Variants in ARSB observed in about 807,000 individuals in gnomAD.
The protein encoded by ARSB is arylsulfatase B.
Under a neutral mutation model 50.9 loss-of-function variants are expected in ARSB, and 41 were observed. The ratio of observed to expected loss-of-function variants is 0.81; its 90% CI spans 0.63 to 1.04. The LOEUF (loss-of-function observed/expected upper bound fraction) is 1.04. ARSB is among the 50% of genes least tolerant of loss of function. The pLI, the probability that ARSB is intolerant of heterozygous loss-of-function variation, is 0.00. For missense variants in ARSB, 672 were observed against 693.3 expected (o/e 0.97, Z 0.35); for synonymous variants, 269 against 284.8 (o/e 0.94, Z 0.56).
Position 78,815,175 on chromosome 5 carries a change from T to G in ARSB, c.1213+24181A>C, listed in dbSNP as rs150064292. ...AAAGCATTATTTTAAAGAGATTGCT[T>G]ATTTTCTAGTCGCATGGTTGCTGAA... On this transcript the variant is annotated intron_variant, in intron 6 of 7. Coordinates refer to ENST00000264914, the MANE Select transcript of ARSB (RefSeq NM_000046.5). Among the ~76,000 whole-genome samples, 42 of 150,968 alleles carry G rather than the reference T, an allele frequency of 2.8e-4. 1 individual carries two copies. The highest frequency in any genetic ancestry group is 9.3e-4 in the African/African-American group (38 of 40,816).
chr5:78,807,831 C>T (rs753915298), intron 6 of ARSB, among the ~76,000 whole-genome samples: 12 of 152,244 alleles, frequency 7.9e-5, no homozygotes, highest in South Asian at 2.1e-4. Context: ...CGGTGGCTCA[C>T]GCCTGTAATC....
chr5:78,891,596 G>A (rs765137624), intron 4 of ARSB, among the ~76,000 whole-genome samples: 2 of 152,120 alleles, frequency 1.3e-5, no homozygotes, highest in African/African-American at 2.4e-5. Flanking sequence ...TCCATTCATG[G>A]GAGGCAATGA....
At chr5:78,864,107 G>A (rs1433455637) in intron 5 of ARSB, among the ~76,000 whole-genome samples, 3 of 151,930 alleles carry the variant, frequency 2.0e-5, no homozygotes, top group Non-Finnish European at 4.4e-5. Flanking sequence ...GACCTGAAGA[G>A]TCAGGACTGG....
At chr5:78,805,959 T>G (rs1378942190) in intron 6 of ARSB, among the ~76,000 whole-genome samples, 1 of 152,242 alleles carries the variant, frequency 6.6e-6, no homozygotes, top group Non-Finnish European at 1.5e-5. Flanking sequence ...TTTCTAGCTG[T>G]GCGGCCTTGG....
chr5:78,823,958 G>A (rs192807635), intron 6 of ARSB, among the ~76,000 whole-genome samples: 2 of 152,236 alleles, frequency 1.3e-5, no homozygotes, highest in East Asian at 3.9e-4. Flanking sequence ...ATGTTGGAGG[G>A]GGGGCACAGT....
intron 6 of ARSB, among the ~76,000 whole-genome samples, chr5:78,789,463 C>T (rs559505102): frequency 6.6e-6 from 1 of 152,086 alleles, no homozygotes; most frequent in Non-Finnish European, 1.5e-5. Context: ...ATGAAAGCAA[C>T]CAAGAACCAG....
Position 78,864,297 on chromosome 5 carries a change from T to C in ARSB, c.1142+21287A>G, listed in dbSNP as rs559867510. On this transcript the variant is annotated intron_variant, in intron 5 of 7. Coordinates refer to ENST00000264914, the MANE Select transcript of ARSB (RefSeq NM_000046.5). ...CATGGCTGGCGAAGCCTCACAATCATGGTGGAAGGCAAGGAGGAGCAAGTC... is the reference window on the plus strand; with the variant it reads ...CATGGCTGGCGAAGCCTCACAATCACGGTGGAAGGCAAGGAGGAGCAAGTC... 4.6e-5 allele frequency among the ~76,000 whole-genome samples: 7 copies of C among 152,186 alleles called. No homozygotes were observed. In the South Asian group the frequency reaches 8.3e-4, roughly 18 times the overall value.
At chr5:78,859,304 T>A (rs978926971) in intron 5 of ARSB, among the ~76,000 whole-genome samples, 11 of 152,170 alleles carry the variant, frequency 7.2e-5, no homozygotes, top group Non-Finnish European at 1.6e-4. Flanking sequence ...TATAGATTGT[T>A]ATTAAGAAGG....
intron 4 of ARSB, among the ~76,000 whole-genome samples, chr5:78,912,974 A>C (rs10474569): frequency 0.29 from 44,217 of 152,092 alleles, 6,722 homozygotes; most frequent in Middle Eastern, 0.35. Flanking sequence ...AAACCCACGC[A>C]GAGCTAGGAG....
intron 4 of ARSB, among the ~76,000 whole-genome samples, chr5:78,935,624 G>C (rs1262527653): frequency 6.6e-6 from 1 of 152,110 alleles, no homozygotes; most frequent in Admixed American, 6.5e-5. Context: ...AAGCAAACCG[G>C]AGACCAAAGG....
chr5:78,782,540 T>A (rs927184951), intron 6 of ARSB, among the ~76,000 whole-genome samples: 2 of 152,192 alleles, frequency 1.3e-5, no homozygotes, highest in Non-Finnish European at 2.9e-5. Flanking sequence ...AAATTTGGTA[T>A]ACAAATTTTT....
intron 6 of ARSB, among the ~76,000 whole-genome samples, chr5:78,789,654 A>G (rs1749183469): frequency 6.6e-6 from 1 of 152,242 alleles, no homozygotes. Flanking sequence ...GAGTGAATTC[A>G]AGAAGGACTC....
intron 3 of ARSB, among the ~76,000 whole-genome samples, chr5:78,959,952 G>C (rs2112498947): frequency 6.6e-6 from 1 of 152,268 alleles, no homozygotes; most frequent in African/African-American, 2.4e-5. Context: ...TCCCACTCCT[G>C]CCAACCAGAG....
chr5:78,982,618 T>A (rs543042422), intron 1 of ARSB, among the ~76,000 whole-genome samples: 3 of 152,236 alleles, frequency 2.0e-5, no homozygotes, highest in Non-Finnish European at 4.4e-5. Flanking sequence ...TCTTCCAGCA[T>A]CAGTTTCCTT....
In ARSB at chr5:78,823,963, C is replaced by T. The variant is rs185718808; in HGVS notation, c.1213+15393G>A. On this transcript the variant is annotated intron_variant, in intron 6 of 7. Coordinates refer to ENST00000264914, the MANE Select transcript of ARSB (RefSeq NM_000046.5). ...GTGATCCCCAATGTTGGAGGGGGGG[C>T]ACAGTGGGGAGTGTTTGGGCCATAG... 2.3e-4 allele frequency among the ~76,000 whole-genome samples: 35 copies of T among 152,110 alleles called. No homozygotes were observed. The East Asian group carries it at 6.5e-3, about 28-fold the overall frequency.
At chr5:78,883,860 A>G (rs1388828952) in intron 5 of ARSB, 1 of 152,182 alleles carries the variant, frequency 6.6e-6, no homozygotes, top group African/African-American at 2.4e-5. Context: ...TGTAAAAACT[A>G]ATCTTAGGCT....
chr5:78,874,358 A>T lies in ARSB; in HGVS notation c.1142+11226T>A, dbSNP rs555648527. Among the ~76,000 whole-genome samples, 12 of 152,346 alleles carry T rather than the reference A, an allele frequency of 7.9e-5. No homozygotes were observed. The East Asian group carries it at 1.9e-3, about 24-fold the overall frequency. On this transcript the variant is annotated intron_variant, in intron 5 of 7. Coordinates refer to ENST00000264914, the MANE Select transcript of ARSB (RefSeq NM_000046.5). ...TATTACATATTACATGCTCTGATAC[A>T]GTAGGAATAACACTACTTAAATCAC...
chr5:78,944,663 C>A (rs1751126760), intron 4 of ARSB, among the ~76,000 whole-genome samples: 1 of 152,184 alleles, frequency 6.6e-6, no homozygotes, highest in Non-Finnish European at 1.5e-5. Context: ...GGTTACCCGG[C>A]CATGTGAGAT....
At chr5:78,855,302 G>A (rs538803124) in intron 5 of ARSB, among the ~76,000 whole-genome samples, 54 of 152,328 alleles carry the variant, frequency 3.5e-4, no homozygotes, top group South Asian at 2.9e-3. Flanking sequence ...AGGATGCAGC[G>A]TGCTGCTTTG....
Sources: allele counts gnomAD v4.1 joint callset (sites outside exome capture counted in the v4.1 genomes callset), GRCh38; gene constraint gnomAD v4.1.1; transcripts MANE v1.5; gene names NCBI Gene and HGNC (gene_info 2026-07-23, HGNC 2026-07-21).